Variants in MORN1 observed in about 807,000 individuals in gnomAD.
MORN1 encodes the protein MORN repeat-containing protein 1.
A neutral mutation model predicts 61.9 loss-of-function variants in MORN1; 67 were observed. The observed-to-expected ratio is 1.08, with a 90% CI of 0.89 to 1.33. The LOEUF (loss-of-function observed/expected upper bound fraction) is 1.33. MORN1 is among the 40% of genes most tolerant of loss of function. The pLI is 0.00. For missense variants in MORN1, 752 were observed against 691.2 expected, an observed-to-expected ratio of 1.09 and a Z score of -0.99; for synonymous variants, 301 against 292.0, an observed-to-expected ratio of 1.03 and a Z score of -0.31.
At chr1:2,331,983 C>CCTGCGCCTCTCCCGCCG (rs1433110720) in intron 12 of MORN1, 10,647 of 129,258 alleles carry the variant, frequency 0.082, 2,050 homozygotes, top group African/African-American at 0.25. Context: ...CTCTCCCGCC[C>CCTGCGCCTCTCCCGCCG]CTGCGCCTCT....
chr1:2,355,600 T>A, intron 10 of MORN1: 1 of 878,402 alleles, frequency 1.1e-6, no homozygotes. Context: ...CCAGGGGCAT[T>A]CCGCTGCCGC....
At chr1:2,326,890 G>A (rs1023772017) in intron 12 of MORN1, among the ~76,000 whole-genome samples, 2 of 152,202 alleles carry the variant, frequency 1.3e-5, no homozygotes, top group Non-Finnish European at 2.9e-5. Flanking sequence ...ACAGCGACCC[G>A]GGCCTCACCC....
chr1:2,326,097 ACAGCC>A (rs1641020874), intron 12 of MORN1: 1 of 152,212 alleles, frequency 6.6e-6, no homozygotes, highest in African/African-American at 2.4e-5. Context: ...AAGGGGGTCA[ACAGCC>A]CACCCAGAGC....
chr1:2,355,658 G>C lies in MORN1; in HGVS notation c.1036+1774C>G, dbSNP rs1360142931. ...AGTCACGGAACCTTAGGGAGAACTCGGGGCCGAGTGACCGGCCAGGAGTGC... is the reference window on the plus strand; with the variant it reads ...AGTCACGGAACCTTAGGGAGAACTCCGGGCCGAGTGACCGGCCAGGAGTGC... On this transcript the variant is annotated intron_variant, in intron 10 of 13. Transcript: ENST00000378531. Among the ~76,000 whole-genome samples, 11 of 152,318 alleles carry C rather than the reference G, an allele frequency of 7.2e-5. No individual in the cohort carries two copies. In the East Asian group the frequency reaches 2.1e-3, roughly 29 times the overall value.
chr1:2,328,152 CT>C (rs1004399129), intron 12 of MORN1, among the ~76,000 whole-genome samples: 5 of 152,280 alleles, frequency 3.3e-5, no homozygotes, highest in African/African-American at 1.2e-4. Flanking sequence ...TGTCCTCAGT[CT>C]TCCAGTCCAT....
In MORN1 at chr1:2,386,269, G is replaced by A. The variant is rs550726377; in HGVS notation, c.359-372C>T. The A allele has an allele frequency of 1.5e-4, 33 of 219,042 alleles. No homozygotes were observed. The East Asian group carries it at 3.6e-3, about 24-fold the overall frequency. 13.6% of individuals were successfully genotyped at this position (219,042 alleles called of 1,614,324 possible). The stretch of plus-strand genomic sequence containing the variant: ...AGGATGGGTGCAGTTTGGGCCTGTC[G>A]TTTGTTTTCACAAGAAACTTCAAGT... On this transcript the variant is annotated intron_variant, in intron 4 of 13. Transcript: ENST00000378531.
At chr1:2,383,570 G>C (rs181829193) in intron 6 of MORN1, among the ~76,000 whole-genome samples, 33 of 152,348 alleles carry the variant, frequency 2.2e-4, no homozygotes, top group Middle Eastern at 3.4e-3. Flanking sequence ...ATTAAATGTT[G>C]CGTTTCTCAT....
intron 12 of MORN1, 96 bp downstream of exon 12, chr1:2,336,373 T>C (rs1339532575): frequency 8.7e-6 from 11 of 1,265,250 alleles, no homozygotes; most frequent in Admixed American, 6.5e-5. Flanking sequence ...ACCAGGCCCT[T>C]GGCTCCCCTG....
At chr1:2,331,433 C>T (rs552404300) in intron 12 of MORN1, among the ~76,000 whole-genome samples, 231 of 152,308 alleles carry the variant, frequency 1.5e-3, no homozygotes, top group African/African-American at 5.1e-3. Context: ...TTGGGGGTGC[C>T]CTGGCAGGCG....
At chr1:2,366,357 T>TA (rs755101608) in intron 8 of MORN1, among the ~76,000 whole-genome samples, 193 of 151,890 alleles carry the variant, frequency 1.3e-3, no homozygotes, top group Non-Finnish European at 2.3e-3. Flanking sequence ...GGGATAGCTT[T>TA]AGGAGATATA....
intron 12 of MORN1, among the ~76,000 whole-genome samples, chr1:2,329,382 A>C (rs755887458): frequency 6.6e-6 from 1 of 151,990 alleles, no homozygotes; most frequent in African/African-American, 2.4e-5. Context: ...TCGTGGCTGA[A>C]CTCCCACCTG....
intron 10 of MORN1, among the ~76,000 whole-genome samples, chr1:2,345,990 C>CCAGGAACCTTCCTCAGACAAAGCCA (rs1183383934): frequency 5.4e-5 from 8 of 147,178 alleles, no homozygotes; most frequent in African/African-American, 1.9e-4. Context: ...GACAAAGCCA[C>CCAGGAACCTTCCTCAGACAAAGCCA]CAGGAACCTT....
chr1:2,355,086 C>G, intron 10 of MORN1: 1 of 920,630 alleles, frequency 1.1e-6, no homozygotes, highest in Non-Finnish European at 1.3e-6. Context: ...GCGCGGGGGG[C>G]CCGCGCGGGG....
chr1:2,378,933 G>A, intron 6 of MORN1: 1 of 459,048 alleles, frequency 2.2e-6, no homozygotes, highest in Non-Finnish European at 4.4e-6. Flanking sequence ...TGGAAGAGGA[G>A]CCTTCTCTGC....
intron 7 of MORN1, among the ~76,000 whole-genome samples, chr1:2,374,132 T>A (rs1570020268): frequency 6.6e-6 from 1 of 152,068 alleles, no homozygotes; most frequent in South Asian, 2.1e-4. Context: ...GGCTGGTCCT[T>A]CTGTGAGCCG....
chr1:2,323,156 T>C (rs1640921945), intron 13 of MORN1: 1 of 985,360 alleles, frequency 1.0e-6, no homozygotes, highest in African/African-American at 1.7e-5. Context: ...GGTGGACCGG[T>C]TGATGGTGTG....
chr1:2,332,698 T>C (rs766563648), intron 12 of MORN1: 2 of 456,580 alleles, frequency 4.4e-6, no homozygotes, highest in East Asian at 7.0e-5. Context: ...GAATCTCGTC[T>C]GTGCCTCGAG....
intron 7 of MORN1, among the ~76,000 whole-genome samples, chr1:2,373,919 G>C (rs538175241): frequency 6.6e-6 from 1 of 152,252 alleles, no homozygotes; most frequent in African/African-American, 2.4e-5. Flanking sequence ...CCGGCGCAGG[G>C]CCAGAGTCGG....
At chr1:2,368,273 T>C (rs1322588036) in intron 8 of MORN1, among the ~76,000 whole-genome samples, 2 of 152,140 alleles carry the variant, frequency 1.3e-5, no homozygotes, top group African/African-American at 2.4e-5. Flanking sequence ...TAAGGGTGAA[T>C]GGGAGGTATG....
Sources: allele counts gnomAD v4.1 joint callset (sites outside exome capture counted in the v4.1 genomes callset), GRCh38; gene constraint gnomAD v4.1.1; transcripts MANE v1.5; gene names NCBI Gene and HGNC (gene_info 2026-07-23, HGNC 2026-07-21).